OR4Q3: variants seen among roughly 807,000 people sequenced by gnomAD.
The protein encoded by OR4Q3 is olfactory receptor 4Q3.
A neutral mutation model predicts 18.8 loss-of-function variants in OR4Q3; 17 were observed. The observed-to-expected ratio is 0.91, with a 90% confidence interval of 0.62 to 1.36. The LOEUF is 1.36. Among genes scored for constraint, OR4Q3 ranks in the 40% most tolerant of loss-of-function variants. OR4Q3 has a pLI of 0.00. For synonymous variants in OR4Q3, 158 were observed against 145.8 expected, an observed-to-expected ratio of 1.08 and a Z score of -0.60; for missense variants, 378 against 373.4, an observed-to-expected ratio of 1.01 and a Z score of -0.10.
intron 1 of OR4Q3, among the ~76,000 whole-genome samples, 174 bp downstream of exon 1, chr14:19,743,845 A>G (rs1877369568): frequency 6.6e-6 from 1 of 152,196 alleles, no homozygotes; most frequent in African/African-American, 2.4e-5. Flanking sequence ...ACTCTTAGAA[A>G]CATTCACAGA....
intron 1 of OR4Q3, 139 bp from the exon 2 acceptor site, chr14:19,747,267 A>G: frequency 9.5e-6 from 4 of 421,170 alleles, no homozygotes; most frequent in African/African-American, 8.2e-5. Flanking sequence ...TATCAATATA[A>G]GAGTGTACTG....
chr14:19,748,216 C>T, exon 2 of OR4Q3: 2 of 1,613,978 alleles, frequency 1.2e-6, no homozygotes, highest in African/African-American at 2.7e-5. Flanking sequence ...TGAGGCCTTT[C>T]TGCAGCTTCT....
chr14:19,750,657 T>C, downstream of OR4Q3, among the ~76,000 whole-genome samples: 1 of 152,214 alleles, frequency 6.6e-6, no homozygotes. Context: ...AATATGTATT[T>C]TTATTTTTGT....
chr14:19,746,759 T>G, intron 1 of OR4Q3, among the ~76,000 whole-genome samples: 2 of 152,362 alleles, frequency 1.3e-5, no homozygotes, highest in Admixed American at 1.3e-4. Context: ...TTATTCATAG[T>G]AACTACTAAC....
intron 1 of OR4Q3, among the ~76,000 whole-genome samples, chr14:19,746,344 T>A: frequency 2.0e-5 from 3 of 152,322 alleles, no homozygotes; most frequent in African/African-American, 4.8e-5. Context: ...GGTACTGTCA[T>A]CAAATGTTGG....
chr14:19,745,770 G>T, intron 1 of OR4Q3, among the ~76,000 whole-genome samples: 5 of 152,206 alleles, frequency 3.3e-5, no homozygotes, highest in African/African-American at 1.2e-4. Flanking sequence ...ATATAGCAGA[G>T]CTCAAGTGAG....
chr14:19,746,998 G>T, intron 1 of OR4Q3, among the ~76,000 whole-genome samples: 2 of 152,154 alleles, frequency 1.3e-5, no homozygotes, highest in African/African-American at 4.8e-5. Context: ...GAATAACCAA[G>T]GAATAAAATT....
At chr14:19,749,190 C>T in exon 2 of OR4Q3, 1 of 152,246 alleles carries the variant, frequency 6.6e-6, no homozygotes, top group Admixed American at 6.5e-5. Flanking sequence ...TGAAAGCACT[C>T]ATTTTTGAGA....
chr14:19,747,803 G>A, exon 2 of OR4Q3: 2 of 1,614,018 alleles, frequency 1.2e-6, no homozygotes, highest in Non-Finnish European at 1.7e-6. Context: ...CAGGTATGTT[G>A]CCATCTGTAA....
Position 19,747,402 on chromosome 14 carries a change from TTAGG to T in OR4Q3, c.3-2_4del. 6.9e-7 allele frequency: 1 copy of T among 1,451,336 alleles called. No homozygotes were observed. The highest frequency in any genetic ancestry group is 9.5e-7 in the Non-Finnish European group (1 of 1,054,906). The allele number at this position is 1,451,336 out of a possible 1,614,324, so 89.9% of individuals were successfully genotyped here. A position where few individuals can be genotyped will look rare whatever the true frequency, so the allele number is the denominator to read the frequency against. Reference sequence around the variant, plus strand: ...TCCCTTGTTCTGATTTAATTCTTCTTTAGGTCACTTGATATTCTTGGCTTGATGA... The same window carrying T: ...TCCCTTGTTCTGATTTAATTCTTCTTTCACTTGATATTCTTGGCTTGATGA... On this transcript the variant is annotated splice_acceptor_variant and splice_polypyrimidine_tract_variant and coding_sequence_variant and intron_variant, in exon 2 of 2. Transcript: ENST00000642117. LOFTEE classifies it high-confidence loss of function.
At chr14:19,746,598 G>T in intron 1 of OR4Q3, among the ~76,000 whole-genome samples, 1 of 152,052 alleles carries the variant, frequency 6.6e-6, no homozygotes, top group African/African-American at 2.4e-5. Context: ...TACTCATCCC[G>T]AGTCTGACGC....
chr14:19,747,944 A>G, exon 2 of OR4Q3: 5 of 1,614,052 alleles, frequency 3.1e-6, no homozygotes, highest in Non-Finnish European at 4.2e-6. Context: ...CTGTGGGCCC[A>G]ATGAACTGGA....
At chr14:19,746,325 G>T in intron 1 of OR4Q3, among the ~76,000 whole-genome samples, 1 of 152,120 alleles carries the variant, frequency 6.6e-6, no homozygotes, top group Non-Finnish European at 1.5e-5. Flanking sequence ...TTTTCTGTTT[G>T]TAATCCAAGG....
At chr14:19,745,334 A>C in intron 1 of OR4Q3, among the ~76,000 whole-genome samples, 1 of 152,170 alleles carries the variant, frequency 6.6e-6, no homozygotes, top group African/African-American at 2.4e-5. Flanking sequence ...TATTTAATCT[A>C]TCCTTCTGAT....
At position 19,748,257 on chromosome 14, in the gene OR4Q3, C is replaced by T; in HGVS notation, c.854C>T (p.Thr285Ile). Residue 285 changes from threonine (T) to isoleucine (I), a missense_variant, in exon 2 of 2, where the codon ACA (threonine) becomes ATA (isoleucine). By Grantham distance (89) the Thr-to-Ile change is moderately conservative. Coordinates refer to ENST00000642117, the Ensembl canonical transcript of OR4Q3. ...GATAAGATATTCTCCTTGTTTTACA[C>T]AGTGATTACACCTATGTTGAACCCC... 5.6e-6 allele frequency: 9 copies of T among 1,613,048 alleles called. No homozygotes were observed. In the African/African-American group the frequency reaches 1.1e-4, roughly 19 times the overall value.
downstream of OR4Q3, among the ~76,000 whole-genome samples, chr14:19,750,070 C>T: frequency 5.3e-4 from 80 of 151,954 alleles, no homozygotes; most frequent in African/African-American, 1.7e-3. Context: ...CTGCAACCTC[C>T]GCCTCCCAGG....
intron 1 of OR4Q3, among the ~76,000 whole-genome samples, chr14:19,744,829 G>A: frequency 6.6e-6 from 1 of 152,126 alleles, no homozygotes; most frequent in East Asian, 1.9e-4. Context: ...GTTTTGGGGT[G>A]TAGACATTCC....
downstream of OR4Q3, among the ~76,000 whole-genome samples, chr14:19,751,233 C>T: frequency 6.6e-6 from 1 of 152,190 alleles, no homozygotes; most frequent in Non-Finnish European, 1.5e-5. Flanking sequence ...ACAAAGCCTA[C>T]TTGATCGTGG....
At chr14:19,745,794 C>G in intron 1 of OR4Q3, among the ~76,000 whole-genome samples, 1 of 152,188 alleles carries the variant, frequency 6.6e-6, no homozygotes, top group Non-Finnish European at 1.5e-5. Flanking sequence ...GTACATGTAA[C>G]AGCAAATCGT....
Sources: gnomAD v4.1 joint callset for allele counts (sites outside exome capture counted in the v4.1 genomes callset) on GRCh38, gnomAD v4.1.1 for gene constraint, MANE v1.5 for transcripts, NCBI Gene and HGNC (gene_info 2026-07-23, HGNC 2026-07-21) for gene names.